The following SH3GLB2 variants were observed in gnomAD, a reference collection of about 807,000 sequenced individuals.
SH3GLB2 encodes the protein SH3 domain containing GRB2 like, endophilin B2.
SH3GLB2 carries 24 observed loss-of-function variants against 48.0 expected under a neutral mutation model. That is an observed-to-expected ratio of 0.50 (90% CI 0.36 to 0.70). The LOEUF is 0.70. SH3GLB2 is among the 30% of genes least tolerant of loss of function. The pLI is 0.00. For missense variants in SH3GLB2, 425 were observed against 516.0 expected, an observed-to-expected ratio of 0.82 and a Z score of 1.71; for synonymous variants, 227 against 207.6, an observed-to-expected ratio of 1.09 and a Z score of -0.80.
chr9:129,018,068 G>A (rs1843546916), intron 3 of SH3GLB2, among the ~76,000 whole-genome samples: 1 of 152,060 alleles, frequency 6.6e-6, no homozygotes, highest in African/African-American at 2.4e-5. Context: ...CTCCAGCCTG[G>A]GCGACAGAGC....
intron 6 of SH3GLB2, 75 bp from the exon 7 acceptor site, chr9:129,010,768 G>GC: frequency 6.3e-7 from 1 of 1,577,870 alleles, no homozygotes; most frequent in African/African-American, 1.3e-5. Flanking sequence ...CCTGTGCCCT[G>GC]CCCCAGCTCC....
intron 8 of SH3GLB2, 27 bp from the exon 9 acceptor site, chr9:129,009,898 T>G: frequency 6.3e-7 from 1 of 1,598,322 alleles, no homozygotes; most frequent in East Asian, 2.2e-5. Context: ...AGAGGCTGAC[T>G]TCTAACCTCC....
In SH3GLB2 at chr9:129,008,759, G is replaced by C. The variant is rs750933329; in HGVS notation, c.1113C>G (p.Asp371Glu). 1 of 1,614,134 alleles carries C rather than the reference G, an allele frequency of 6.2e-7. No homozygotes were observed. Among genetic ancestry groups the C allele is most frequent in the Non-Finnish European group, 8.5e-7 (1 of 1,180,000 alleles). The change falls in exon 11 of 11, where the codon GAC becomes GAG. Residue 371 changes from aspartate to glutamate, a missense_variant. Asp to Glu is a conservative substitution (Grantham distance 45). Transcript: ENST00000372564. ...LITVYSLPGM[D>E]PDWLIGERGN... ...CTCTCTCGCCAATGAGCCAGTCAGG[G>C]TCCATGCCAGGCAGGCTGTAGACAG... is the stretch of plus-strand genomic sequence containing the variant.
intron 3 of SH3GLB2, among the ~76,000 whole-genome samples, chr9:129,017,715 G>C (rs972870754): frequency 3.3e-5 from 5 of 151,672 alleles, no homozygotes; most frequent in African/African-American, 1.2e-4. Context: ...TGGCTAACAC[G>C]GTGAAATCCC....
intron 1 of SH3GLB2, 145 bp downstream of exon 1, chr9:129,027,947 G>C: frequency 1.4e-6 from 1 of 736,648 alleles, no homozygotes; most frequent in Non-Finnish European, 2.0e-6. Flanking sequence ...GTCAGCAAGG[G>C]CTCAGGGGGG....
At chr9:129,010,569 G>A (rs990073944) in intron 7 of SH3GLB2, 101 bp downstream of exon 7, 4 of 1,366,350 alleles carry the variant, frequency 2.9e-6, no homozygotes, top group African/African-American at 2.8e-5. Context: ...CCCAGTGGGT[G>A]TGGGGCAGAG....
At chr9:129,027,376 G>A (rs975518447) in intron 1 of SH3GLB2, among the ~76,000 whole-genome samples, 1 of 152,128 alleles carries the variant, frequency 6.6e-6, no homozygotes, top group Non-Finnish European at 1.5e-5. Flanking sequence ...CTCCCCCAAG[G>A]TCACAGGAGG....
At chr9:129,012,743 C>T (rs1426188464) in intron 5 of SH3GLB2, 1 of 561,866 alleles carries the variant, frequency 1.8e-6, no homozygotes, top group East Asian at 2.9e-5. Context: ...CATCAAGGGC[C>T]AGGCCCCTCC....
At chr9:129,012,191 G>A (rs1843163073) in intron 6 of SH3GLB2, 45 bp downstream of exon 6, 1 of 1,177,462 alleles carries the variant, frequency 8.5e-7, no homozygotes, top group African/African-American at 1.6e-5. Context: ...TGGGACGTGG[G>A]GAGAGAGGAG....
intron 1 of SH3GLB2, among the ~76,000 whole-genome samples, chr9:129,027,038 A>G (rs776295575): frequency 6.6e-6 from 1 of 152,138 alleles, no homozygotes; most frequent in East Asian, 1.9e-4. Flanking sequence ...AACGATGACA[A>G]CGACAACGAC....
At chr9:129,018,256 GA>G (rs1172582669) in intron 3 of SH3GLB2, among the ~76,000 whole-genome samples, 2 of 152,152 alleles carry the variant, frequency 1.3e-5, no homozygotes, top group Non-Finnish European at 2.9e-5. Context: ...AGCTACTTTG[GA>G]AAACAGTTTG....
chr9:129,014,021 G>A lies in SH3GLB2; in HGVS notation c.561+390C>T. 1 of 474,276 alleles carries A rather than the reference G, an allele frequency of 2.1e-6. No homozygotes were observed. The highest frequency in any genetic ancestry group is 1.5e-5 in the South Asian group (1 of 64,718). The allele number at this position is 474,276 out of a possible 1,614,324, so 29.4% of individuals were successfully genotyped here. ...CCATCGTGGGGGCGCCTGAGCACAG[G>A]GACCCTCGGCCTGACGTTCAAGCAG... On this transcript the variant is annotated intron_variant, in intron 5 of 10. Transcript: ENST00000372564. The surrounding 1 kb of genome is among the most constrained non-coding windows in gnomAD (Gnocchi z 4.1).
rs11269158 is a variant in SH3GLB2 at position 129,025,611 on chromosome 9, G to GAGGAAGGAAGGAAGGA, written c.63+2480_63+2481insTCCTTCCTTCCTTCCT. ...AGAAGAAAGGAGAGAGGGACTAAGG[G>GAGGAAGGAAGGAAGGA]AGGAAGGAAGGAAGGCAGGCAGGCA... is the stretch of plus-strand genomic sequence containing the variant. On this transcript the variant is annotated intron_variant, in intron 1 of 10. Coordinates refer to ENST00000372564, the MANE Select transcript of SH3GLB2 (RefSeq NM_020145.4). Among the ~76,000 whole-genome samples the GAGGAAGGAAGGAAGGA allele has an allele frequency of 2.5e-3, 303 of 120,004 alleles. 7 individuals are homozygous for GAGGAAGGAAGGAAGGA. The highest frequency in any genetic ancestry group is 9.6e-3 in the African/African-American group (284 of 29,628). The allele number at this position is 120,004 out of a possible 152,430, so 78.7% of individuals were successfully genotyped here. A position where few individuals can be genotyped will look rare whatever the true frequency, so the allele number is the denominator to read the frequency against.
At chr9:129,014,000 C>T (rs781723881) in intron 5 of SH3GLB2, 8 of 465,220 alleles carry the variant, frequency 1.7e-5, no homozygotes, top group South Asian at 1.2e-4. Context: ...TCCACACCAT[C>T]GTGGGGGCGC....
At chr9:129,024,752 C>T (rs992087607) in intron 1 of SH3GLB2, among the ~76,000 whole-genome samples, 6 of 150,934 alleles carry the variant, frequency 4.0e-5, no homozygotes, top group Non-Finnish European at 7.4e-5. Context: ...GGGCGGATCA[C>T]GAGGTCAGGA....
At chr9:129,010,515 CAG>C (rs1293369140) in intron 7 of SH3GLB2, 153 bp downstream of exon 7, 6 of 841,836 alleles carry the variant, frequency 7.1e-6, no homozygotes, top group South Asian at 4.9e-5. Flanking sequence ...CATTTCCCCA[CAG>C]AGGGGAAACT....
chr9:129,020,062 C>A (rs534301869), intron 3 of SH3GLB2, among the ~76,000 whole-genome samples: 1 of 151,248 alleles, frequency 6.6e-6, no homozygotes, highest in Non-Finnish European at 1.5e-5. Flanking sequence ...AAAAGTTAGC[C>A]AGGTGTGCTG....
intron 1 of SH3GLB2, 83 bp downstream of exon 1, chr9:129,028,009 G>A: frequency 7.5e-7 from 1 of 1,330,264 alleles, no homozygotes; most frequent in Non-Finnish European, 9.9e-7. Context: ...GGGCTTTCCC[G>A]CGTCCCCAGG....
At position 129,009,765 on chromosome 9, in the gene SH3GLB2, C is replaced by T; in HGVS notation, c.839+6G>A. 1.2e-6 allele frequency: 2 copies of T among 1,609,566 alleles called. No homozygotes were observed. Among genetic ancestry groups the T allele is most frequent in the South Asian group, 2.2e-5 (2 of 90,210 alleles). ...CCCAGTGGGTTCAGCAGTGCTGGCC[C>T]CGCACCTGCCCAGCTGCTTCTGCAA... On this transcript the variant is annotated splice_donor_region_variant and intron_variant, in intron 9 of 10. Transcript: ENST00000372564.
Sources: allele counts gnomAD v4.1 joint callset (sites outside exome capture counted in the v4.1 genomes callset), GRCh38; gene constraint gnomAD v4.1.1; non-coding constraint Gnocchi (gnomAD v3.1); transcripts MANE v1.5; gene names NCBI Gene and HGNC (gene_info 2026-07-23, HGNC 2026-07-21).